KLRG1: variants seen among roughly 807,000 people sequenced by gnomAD.
KLRG1 encodes killer cell lectin-like receptor subfamily G member 1.
In KLRG1, 16 loss-of-function variants were observed where a neutral mutation model predicts 21.8. The observed-to-expected ratio is 0.73, with a 90% CI of 0.50 to 1.11. KLRG1 has a LOEUF of 1.11. Ranked by LOEUF, KLRG1 falls within the 50% of genes most tolerant of loss-of-function variation. The pLI, the probability that KLRG1 is intolerant of heterozygous loss-of-function variation, is 0.00. For missense variants in KLRG1, 173 were observed against 218.3 expected (o/e 0.79, Z 1.31); for synonymous variants, 69 against 75.9 (o/e 0.91, Z 0.47).
At chr12:8,977,928 A>G (rs972364328) in intron 1 of KLRG1, among the ~76,000 whole-genome samples, 12 of 151,956 alleles carry the variant, frequency 7.9e-5, no homozygotes, top group African/African-American at 2.9e-4. Flanking sequence ...GCCCCATCTC[A>G]GCTCACTGCA....
the KLRG1 span, among the ~76,000 whole-genome samples, chr12:9,070,130 G>C: frequency 1.9e-4 from 29 of 152,008 alleles, no homozygotes; most frequent in South Asian, 8.3e-4. Context: ...TGTTTTGCTT[G>C]CTCTATTTTT....
chr12:8,991,032 C>T (rs1592263165), intron 1 of KLRG1, among the ~76,000 whole-genome samples: 1 of 151,960 alleles, frequency 6.6e-6, no homozygotes, highest in East Asian at 1.9e-4. Context: ...TCAGAATACT[C>T]CATAGATACA....
chr12:8,963,113 A>G (rs1179325881), intron 1 of KLRG1, among the ~76,000 whole-genome samples: 3 of 152,214 alleles, frequency 2.0e-5, no homozygotes, highest in Admixed American at 6.5e-5. Context: ...GAAAAAGTTA[A>G]ATATATTTAA....
the KLRG1 span, chr12:9,181,826 C>A: frequency 1.4e-6 from 1 of 716,634 alleles, no homozygotes. Flanking sequence ...TGTACTAGAT[C>A]CCTAGAAATT....
the KLRG1 span, among the ~76,000 whole-genome samples, chr12:9,139,569 T>G: frequency 6.6e-6 from 1 of 152,226 alleles, no homozygotes; most frequent in South Asian, 2.1e-4. Flanking sequence ...TATTTCTCTT[T>G]TCTGTTTTTC....
At chr12:9,164,998 C>T in the KLRG1 span, 3 of 1,038,976 alleles carry the variant, frequency 2.9e-6, no homozygotes, top group Admixed American at 2.3e-5. Context: ...TCATGTCCTG[C>T]TTTGCATAGC....
At chr12:9,196,636 T>C in the KLRG1 span, 1 of 1,613,972 alleles carries the variant, frequency 6.2e-7, no homozygotes, top group Non-Finnish European at 8.5e-7. Context: ...ATTTGTAATC[T>C]GGAGCATTTT....
the KLRG1 span, chr12:9,192,401 C>G: frequency 7.8e-7 from 1 of 1,280,048 alleles, no homozygotes; most frequent in East Asian, 2.4e-5. Flanking sequence ...GGACGCACAA[C>G]AAGAACACAA....
the KLRG1 span, chr12:9,091,439 A>C: frequency 5.0e-6 from 8 of 1,613,598 alleles, no homozygotes; most frequent in Middle Eastern, 4.9e-4. Flanking sequence ...GCTGGAGAGG[A>C]GTGTAAGTGA....
At chr12:8,960,772 C>T (rs944182048) in intron 1 of KLRG1, among the ~76,000 whole-genome samples, 1 of 152,144 alleles carries the variant, frequency 6.6e-6, no homozygotes, top group African/African-American at 2.4e-5. Flanking sequence ...TAATAAAGGT[C>T]ATGTATCCTT....
chr12:9,068,672 C>T, the KLRG1 span: 6 of 1,256,770 alleles, frequency 4.8e-6, no homozygotes, highest in Non-Finnish European at 6.8e-6. Context: ...AACCCCAACA[C>T]ATCTCCTAAA....
the KLRG1 span, among the ~76,000 whole-genome samples, chr12:9,056,322 A>G: frequency 6.6e-6 from 1 of 152,142 alleles, no homozygotes; most frequent in African/African-American, 2.4e-5. Context: ...CACTCTTGAT[A>G]CCATTAGTAT....
chr12:9,203,287 T>G, the KLRG1 span, among the ~76,000 whole-genome samples: 1 of 151,682 alleles, frequency 6.6e-6, no homozygotes, highest in African/African-American at 2.4e-5. Context: ...TGTTCCTTAA[T>G]AGTTGAAAAC....
chr12:9,028,255 G>T, the KLRG1 span: 10 of 487,604 alleles, frequency 2.1e-5, no homozygotes, highest in African/African-American at 6.1e-5. Flanking sequence ...AGATTCAAGC[G>T]ATTCTTCTGC....
chr12:9,047,169 A>C, the KLRG1 span, among the ~76,000 whole-genome samples: 1 of 152,208 alleles, frequency 6.6e-6, no homozygotes, highest in Non-Finnish European at 1.5e-5. Context: ...TTTTATTCTT[A>C]ATTGACCTAA....
the KLRG1 span, chr12:9,203,889 A>C: frequency 6.2e-7 from 1 of 1,614,198 alleles, no homozygotes; most frequent in Non-Finnish European, 8.5e-7. Flanking sequence ...GTGGCTCAGA[A>C]GGACACAGCC....
the KLRG1 span, among the ~76,000 whole-genome samples, chr12:9,183,164 A>G: frequency 2.0e-5 from 3 of 152,202 alleles, no homozygotes; most frequent in Non-Finnish European, 4.4e-5. Context: ...GGAATATTTT[A>G]CAAAGTATAA....
chr12:9,145,490 G>T, the KLRG1 span, among the ~76,000 whole-genome samples: 1 of 152,012 alleles, frequency 6.6e-6, no homozygotes, highest in East Asian at 1.9e-4. Flanking sequence ...TGTGAAAATT[G>T]ATATCTATTT....
chr12:8,960,231 G>GT (rs777811853), intron 1 of KLRG1, among the ~76,000 whole-genome samples: 12 of 152,330 alleles, frequency 7.9e-5, no homozygotes, highest in African/African-American at 2.9e-4. Context: ...GAGCCTGCCA[G>GT]TTTCACTGAG....
Sources: allele counts gnomAD v4.1 joint callset (sites outside exome capture counted in the v4.1 genomes callset), GRCh38; gene constraint gnomAD v4.1.1; transcripts MANE v1.5; gene names NCBI Gene and HGNC (gene_info 2026-07-23, HGNC 2026-07-21).